Variants in RORA observed in about 807,000 individuals in gnomAD.
The protein encoded by RORA is RAR related orphan receptor A.
RORA carries 7 observed loss-of-function variants against 69.5 expected under a neutral mutation model. The observed-to-expected ratio is 0.10, with a 90% confidence interval of 0.06 to 0.19. RORA has a LOEUF of 0.19. Ranked by LOEUF, RORA falls within the 10% of genes least tolerant of loss-of-function variation. RORA has a pLI of 1.00. For synonymous variants in RORA, 261 were observed against 240.8 expected (o/e 1.08, Z -0.78); for missense variants, 457 against 663.0 (o/e 0.69, Z 3.41).
chr15:61,016,147 G>A lies in RORA; in HGVS notation c.166+212906C>T, dbSNP rs371976865. Among the ~76,000 whole-genome samples the A allele has an allele frequency of 2.8e-4, 43 of 152,296 alleles. 1 individual carries two copies. In the South Asian group the frequency reaches 6.4e-3, roughly 23 times the overall value. ...TCTCTCATTAGTACCACAATGTAGAGTGAGTTATTTAACCTCTCTACATCT... is the reference window on the plus strand; with the variant it reads ...TCTCTCATTAGTACCACAATGTAGAATGAGTTATTTAACCTCTCTACATCT... On this transcript the variant is annotated intron_variant, in intron 1 of 10. Transcript: ENST00000335670.
At chr15:60,928,423 G>A (rs16943359) in intron 1 of RORA, among the ~76,000 whole-genome samples, 1 of 152,080 alleles carries the variant, frequency 6.6e-6, no homozygotes, top group Non-Finnish European at 1.5e-5. Flanking sequence ...CGGGAAGCTC[G>A]TGGAAGCCAA....
chr15:61,012,247 AGAT>A (rs1371333070), intron 1 of RORA, among the ~76,000 whole-genome samples: 3 of 152,260 alleles, frequency 2.0e-5, no homozygotes, highest in Non-Finnish European at 2.9e-5. Flanking sequence ...ATGTGCTAGA[AGAT>A]GATATTAAGT....
intron 2 of RORA, among the ~76,000 whole-genome samples, chr15:60,632,210 A>T (rs2068432069): frequency 1.3e-5 from 2 of 151,622 alleles, no homozygotes; most frequent in South Asian, 4.2e-4. Flanking sequence ...GATTCACGCC[A>T]TTCTCCTGCC....
intron 1 of RORA, among the ~76,000 whole-genome samples, chr15:61,049,746 G>A (rs558577224): frequency 9.3e-4 from 142 of 152,088 alleles, no homozygotes; most frequent in African/African-American, 3.2e-3. Context: ...TGCAACCTCC[G>A]CCTCCCGGGT....
At chr15:60,540,569 C>CG (rs1567071330) in intron 2 of RORA, among the ~76,000 whole-genome samples, 5 of 62,578 alleles carry the variant, frequency 8.0e-5, no homozygotes, top group East Asian at 0.014. Flanking sequence ...CCATGACCCC[C>CG]CCCCCCCAAA....
chr15:60,880,590 G>C (rs2073668281), intron 1 of RORA, among the ~76,000 whole-genome samples: 1 of 152,104 alleles, frequency 6.6e-6, no homozygotes, highest in Admixed American at 6.5e-5. Flanking sequence ...AGTGAGCCAA[G>C]ATCATGCCAC....
chr15:60,960,585 AC>A (rs1323099061), intron 1 of RORA, among the ~76,000 whole-genome samples: 1 of 152,124 alleles, frequency 6.6e-6, no homozygotes, highest in Non-Finnish European at 1.5e-5. Context: ...TGAATTGCAG[AC>A]ACACCAGTTT....
At chr15:60,615,303 G>C (rs2069207613) in intron 2 of RORA, among the ~76,000 whole-genome samples, 1 of 152,206 alleles carries the variant, frequency 6.6e-6, no homozygotes, top group African/African-American at 2.4e-5. Context: ...TTGAGATCGA[G>C]TGCTTCTAAG....
intron 2 of RORA, among the ~76,000 whole-genome samples, chr15:60,641,908 T>A (rs1160809040): frequency 6.6e-6 from 1 of 152,222 alleles, no homozygotes; most frequent in Non-Finnish European, 1.5e-5. Context: ...GTCAAGTATT[T>A]GTATGTCAAA....
intron 1 of RORA, among the ~76,000 whole-genome samples, chr15:61,119,288 T>A (rs1336832971): frequency 2.0e-5 from 3 of 151,890 alleles, no homozygotes; most frequent in Non-Finnish European, 4.4e-5. Context: ...AACCTCCACT[T>A]CTGGGCTCAA....
intron 1 of RORA, among the ~76,000 whole-genome samples, chr15:61,188,389 C>T (rs572500797): frequency 1.3e-5 from 2 of 152,158 alleles, no homozygotes; most frequent in Non-Finnish European, 2.9e-5. Flanking sequence ...TTTGACCCAC[C>T]AACGGGGCCT....
At chr15:61,209,174 C>G (rs1454016201) in intron 1 of RORA, among the ~76,000 whole-genome samples, 2 of 151,860 alleles carry the variant, frequency 1.3e-5, no homozygotes, top group South Asian at 4.1e-4. Context: ...AGGGGCTTGT[C>G]TTTCTAATAG....
chr15:60,843,624 T>C (rs2073228665), intron 1 of RORA, among the ~76,000 whole-genome samples: 1 of 151,562 alleles, frequency 6.6e-6, no homozygotes, highest in Non-Finnish European at 1.5e-5. Flanking sequence ...TCAGGAGGGG[T>C]CAAGGACGCT....
chr15:60,671,312 C>T lies in RORA; in HGVS notation c.196+7345G>A, dbSNP rs374621810. Among the ~76,000 whole-genome samples the T allele has an allele frequency of 3.9e-5, 6 of 151,976 alleles. No individual in the cohort carries two copies. In the East Asian group the frequency reaches 9.7e-4, roughly 25 times the overall value. ...CAGAGGAAGATGGGTTTGTGCTGTA[C>T]GAAATATATGTCATTACTGGTGTGG... On this transcript the variant is annotated intron_variant, in intron 2 of 10. Transcript: ENST00000335670.
chr15:60,873,693 G>C (rs577204119), intron 1 of RORA, among the ~76,000 whole-genome samples: 1 of 152,286 alleles, frequency 6.6e-6, no homozygotes, highest in East Asian at 1.9e-4. Context: ...TTCTAAGTTT[G>C]TTCTGGAACA....
At chr15:60,652,241 C>T (rs2070154015) in intron 2 of RORA, among the ~76,000 whole-genome samples, 2 of 152,000 alleles carry the variant, frequency 1.3e-5, no homozygotes, top group Non-Finnish European at 2.9e-5. Flanking sequence ...GCACAAGTTA[C>T]TTAACCCAAC....
intron 1 of RORA, among the ~76,000 whole-genome samples, chr15:60,758,417 C>A (rs2071833957): frequency 6.6e-6 from 1 of 152,162 alleles, no homozygotes; most frequent in Non-Finnish European, 1.5e-5. Flanking sequence ...CAATTTCACC[C>A]TTGAGTTCCT....
intron 1 of RORA, among the ~76,000 whole-genome samples, chr15:60,701,761 G>A (rs146165354): frequency 1.3e-5 from 2 of 151,974 alleles, no homozygotes; most frequent in East Asian, 3.9e-4. Flanking sequence ...CTCTCCTTCC[G>A]TATTGCAAAC....
intron 1 of RORA, among the ~76,000 whole-genome samples, chr15:60,715,967 T>G (rs1288771728): frequency 6.6e-6 from 1 of 152,224 alleles, no homozygotes; most frequent in Non-Finnish European, 1.5e-5. Context: ...CAAATGATCT[T>G]ACGCTACACT....
Sources: allele counts gnomAD v4.1 joint callset (sites outside exome capture counted in the v4.1 genomes callset), GRCh38; gene constraint gnomAD v4.1.1; transcripts MANE v1.5; gene names NCBI Gene and HGNC (gene_info 2026-07-23, HGNC 2026-07-21).